CLECL1: variants seen among roughly 807,000 people sequenced by gnomAD.
The protein encoded by CLECL1 is C-type lectin like 1.
chr12:9,717,170 G>A (rs1383628386), intron 2 of CLECL1, among the ~76,000 whole-genome samples: 1 of 152,154 alleles, frequency 6.6e-6, no homozygotes, highest in African/African-American at 2.4e-5. Flanking sequence ...TAGCGCTTTG[G>A]GAGGCGGAGG....
chr12:9,718,804 AAAC>A (rs1342041142), downstream of CLECL1: 8 of 693,470 alleles, frequency 1.2e-5, no homozygotes, highest in Non-Finnish European at 1.6e-5. Context: ...GCCTCAGAAG[AAAC>A]CAAACCTGCC....
chr12:9,715,806 T>C (rs1866233330), downstream of CLECL1: 1 of 152,534 alleles, frequency 6.6e-6, no homozygotes, highest in Admixed American at 6.5e-5. Flanking sequence ...CTTTCATCAT[T>C]GGTTCCGATA....
At chr12:9,731,032 G>C (rs1420908997) in intron 1 of CLECL1, among the ~76,000 whole-genome samples, 1 of 152,098 alleles carries the variant, frequency 6.6e-6, no homozygotes, top group African/African-American at 2.4e-5. Flanking sequence ...GGATCCCTAA[G>C]TTTAGTAGAA....
chr12:9,727,067 A>T (rs1252299702), intron 3 of CLECL1, among the ~76,000 whole-genome samples: 1 of 151,724 alleles, frequency 6.6e-6, no homozygotes, highest in Non-Finnish European at 1.5e-5. Context: ...TTAAAATGTA[A>T]ATTAAAAAAT....
At position 9,716,834 on chromosome 12, in the gene CLECL1, A is replaced by T. The variant is rs942576981; in HGVS notation, n.153-58T>A. 2.2e-5 allele frequency: 21 copies of T among 970,738 alleles called. No homozygotes were observed. In the South Asian group the frequency reaches 2.9e-4, roughly 13 times the overall value. The allele number at this position is 970,738 out of a possible 1,614,324, so 60.1% of individuals were successfully genotyped here. A position where few individuals can be genotyped will look rare whatever the true frequency, so the allele number is the denominator to read the frequency against. On this transcript the variant is annotated intron_variant and non_coding_transcript_variant, in intron 2 of 2. Transcript: ENST00000540988. ...TATCATTCCCAAAACATTTGAGGCA[A>T]AACTACTGAATGGATTATTATGGGA...
downstream of CLECL1, among the ~76,000 whole-genome samples, chr12:9,721,321 T>G (rs1866310557): frequency 6.6e-6 from 1 of 152,222 alleles, no homozygotes. Flanking sequence ...GTAACATATT[T>G]TATCTGTTTT....
At chr12:9,706,205 T>C in the CLECL1 span, among the ~76,000 whole-genome samples, 1 of 152,246 alleles carries the variant, frequency 6.6e-6, no homozygotes, top group South Asian at 2.1e-4. Context: ...CAAATTGATT[T>C]TGTAACCTGA....
At chr12:9,732,885 GA>G (rs1866464581) in intron 1 of CLECL1, 63 bp downstream of exon 1, 3 of 1,337,428 alleles carry the variant, frequency 2.2e-6, no homozygotes, top group Non-Finnish European at 3.1e-6. Context: ...AGATACATAA[GA>G]AAGAAATAAA....
chr12:9,716,620 C>T (rs1866242211), exon 3 of CLECL1: 4 of 307,564 alleles, frequency 1.3e-5, no homozygotes, highest in East Asian at 1.4e-4. Context: ...ATTCCTCTTG[C>T]TCAAGCTGGG....
the CLECL1 span, among the ~76,000 whole-genome samples, chr12:9,702,800 C>T: frequency 3.9e-5 from 6 of 152,304 alleles, no homozygotes; most frequent in African/African-American, 1.4e-4. Flanking sequence ...ATCTCTACTC[C>T]TCTAGTAACT....
chr12:9,729,325 C>A (rs929728579), intron 2 of CLECL1, among the ~76,000 whole-genome samples: 4 of 152,110 alleles, frequency 2.6e-5, no homozygotes, highest in African/African-American at 9.7e-5. Flanking sequence ...CTGCACCAGG[C>A]AATTCACTGC....
downstream of CLECL1, among the ~76,000 whole-genome samples, chr12:9,711,645 T>A (rs10743815): frequency 0.91 from 137,232 of 151,614 alleles, 62,230 homozygotes; most frequent in East Asian, 0.97. Flanking sequence ...TATTATTATT[T>A]TTTTTTTTTG....
downstream of CLECL1, among the ~76,000 whole-genome samples, chr12:9,718,984 T>G (rs114756189): frequency 9.2e-3 from 1,403 of 152,346 alleles, 17 homozygotes; most frequent in African/African-American, 0.029. Flanking sequence ...TTGGGTTTTT[T>G]TGTGTGTGTC....
At chr12:9,718,249 C>G (rs1422918849), downstream of CLECL1, among the ~76,000 whole-genome samples, 1 of 136,706 alleles carries the variant, frequency 7.3e-6, no homozygotes, top group Middle Eastern at 3.3e-3. Context: ...TCCACATGAA[C>G]ATTCATGTGC....
chr12:9,725,573 A>G (rs754826854), intron 3 of CLECL1, among the ~76,000 whole-genome samples: 3 of 152,116 alleles, frequency 2.0e-5, no homozygotes, highest in Non-Finnish European at 2.9e-5. Flanking sequence ...CTAAAGTAGA[A>G]CAAGATAGAT....
intron 2 of CLECL1, among the ~76,000 whole-genome samples, chr12:9,717,375 A>G (rs1289078295): frequency 6.6e-6 from 1 of 152,234 alleles, no homozygotes; most frequent in Non-Finnish European, 1.5e-5. Flanking sequence ...GTTCTAAGAC[A>G]GGTTTTCCCC....
upstream of CLECL1, chr12:9,733,366 C>A: frequency 1.4e-6 from 1 of 710,790 alleles, no homozygotes; most frequent in Non-Finnish European, 2.3e-6. Context: ...CTCCTATAGA[C>A]CACTTCCTCT....
chr12:9,721,521 T>A (rs1256825819), downstream of CLECL1, among the ~76,000 whole-genome samples: 1 of 152,226 alleles, frequency 6.6e-6, no homozygotes, highest in African/African-American at 2.4e-5. Context: ...ATGTGTTGTC[T>A]TAGATCACCG....
downstream of CLECL1, among the ~76,000 whole-genome samples, chr12:9,717,521 GT>G (rs1475402592): frequency 6.6e-6 from 1 of 152,174 alleles, no homozygotes; most frequent in African/African-American, 2.4e-5. Flanking sequence ...AATAAAAGAA[GT>G]AAATATTTAT....
Sources: allele counts gnomAD v4.1 joint callset (sites outside exome capture counted in the v4.1 genomes callset), GRCh38; gene constraint gnomAD v4.1.1; transcripts MANE v1.5; gene names NCBI Gene and HGNC (gene_info 2026-07-23, HGNC 2026-07-21).